The following GGACT variants were observed in gnomAD, a reference collection of about 807,000 sequenced individuals.
The protein encoded by GGACT is gamma-glutamylamine cyclotransferase, also known as gamma-glutamylaminecyclotransferase.
For synonymous variants in GGACT, 118 were observed against 115.3 expected (o/e 1.02, Z -0.15); for missense variants, 241 against 233.2 (o/e 1.03, Z -0.22).
intron 2 of GGACT, among the ~76,000 whole-genome samples, chr13:100,577,056 C>T (rs1326241803): frequency 1.3e-5 from 2 of 152,160 alleles, no homozygotes; most frequent in Non-Finnish European, 2.9e-5. Flanking sequence ...ACAAGAGATA[C>T]ATAAACCAAA....
At chr13:100,566,365 T>C (rs1367063522) in intron 2 of GGACT, among the ~76,000 whole-genome samples, 2 of 152,238 alleles carry the variant, frequency 1.3e-5, no homozygotes, top group African/African-American at 2.4e-5. Flanking sequence ...TGTGGTACTT[T>C]CTTTGCTTTC....
chr13:100,540,066 G>C (rs993168462), intron 2 of GGACT: 1 of 1,323,270 alleles, frequency 7.6e-7, no homozygotes, highest in African/African-American at 1.4e-5. Context: ...GAAGCACATA[G>C]GCATCGAAGA....
Position 100,545,676 on chromosome 13 carries a change from G to A in GGACT, c.-10-13075C>T, listed in dbSNP as rs921312030. 3.3e-5 allele frequency among the ~76,000 whole-genome samples: 5 copies of A among 152,248 alleles called. No individual in the cohort carries two copies. The highest frequency in any genetic ancestry group is 9.6e-5 in the African/African-American group (4 of 41,466). On this transcript the variant is annotated intron_variant, in intron 2 of 2. Coordinates refer to ENST00000683975, the MANE Select transcript of GGACT (RefSeq NM_001195087.2). The surrounding 1 kb of genome is among the most constrained non-coding windows in gnomAD (Gnocchi z 4.4). ...TGTCTTTGTATTTTGTAAGCAAAGC[G>A]AAGCCTGCTGGAATAACACAGCACT...
At chr13:100,571,823 T>A (rs1363095498) in intron 2 of GGACT, among the ~76,000 whole-genome samples, 1 of 152,238 alleles carries the variant, frequency 6.6e-6, no homozygotes, top group Non-Finnish European at 1.5e-5. Context: ...ATGATCTCAA[T>A]AATTCTTACT....
At chr13:100,588,690 G>A (rs976557776) in intron 1 of GGACT, 51 bp downstream of exon 1, 4 of 151,554 alleles carry the variant, frequency 2.6e-5, no homozygotes, top group African/African-American at 7.3e-5. Context: ...CACCCCGCCT[G>A]GGGGGCGGAG....
At chr13:100,583,399 G>A (rs886935617) in intron 2 of GGACT, among the ~76,000 whole-genome samples, 24 of 152,252 alleles carry the variant, frequency 1.6e-4, no homozygotes, top group South Asian at 4.2e-4. Context: ...GTTATAGTAC[G>A]TATGACAAAA....
intron 2 of GGACT, among the ~76,000 whole-genome samples, chr13:100,543,462 T>G (rs1267887259): frequency 1.3e-5 from 2 of 152,060 alleles, no homozygotes; most frequent in East Asian, 3.9e-4. Flanking sequence ...CACCTCGGCC[T>G]CCCAAAGTGC....
intron 2 of GGACT, among the ~76,000 whole-genome samples, chr13:100,561,661 A>G (rs1278463744): frequency 6.6e-6 from 1 of 152,246 alleles, no homozygotes; most frequent in Non-Finnish European, 1.5e-5. Context: ...AGATGTGTGC[A>G]GCAGACATTC....
intron 1 of GGACT, among the ~76,000 whole-genome samples, chr13:100,584,670 T>A (rs945321141): frequency 2.0e-5 from 3 of 152,216 alleles, no homozygotes; most frequent in Non-Finnish European, 4.4e-5. Context: ...AGGTGATGGA[T>A]ACCCCATTTA....
In GGACT at chr13:100,534,822, G is replaced by T. The variant is rs2088468574; in HGVS notation, c.-10-2221C>A. 6.6e-6 allele frequency among the ~76,000 whole-genome samples: 1 copy of T among 152,046 alleles called. No homozygotes were observed. On this transcript the variant is annotated intron_variant, in intron 2 of 2. Coordinates refer to ENST00000683975, the MANE Select transcript of GGACT (RefSeq NM_001195087.2). The surrounding 1 kb of genome is among the most constrained non-coding windows in gnomAD (Gnocchi z 4.9). ...CCAGTGCACCACCCAGAGGGTCCTT[G>T]TCAATCTCCTGCTGCAGACTTAACT...
At chr13:100,569,989 T>A (rs1875033150) in intron 2 of GGACT, among the ~76,000 whole-genome samples, 1 of 152,224 alleles carries the variant, frequency 6.6e-6, no homozygotes, top group Non-Finnish European at 1.5e-5. Flanking sequence ...CATGCTGCTA[T>A]CAGCATTTTG....
chr13:100,548,195 T>A (rs960193357), intron 2 of GGACT, among the ~76,000 whole-genome samples: 1 of 152,262 alleles, frequency 6.6e-6, no homozygotes, highest in African/African-American at 2.4e-5. Context: ...CACCTGTGCC[T>A]TTCTGCTGTT....
intron 2 of GGACT, among the ~76,000 whole-genome samples, chr13:100,570,217 C>A (rs1875039277): frequency 6.6e-6 from 1 of 152,194 alleles, no homozygotes; most frequent in Admixed American, 6.5e-5. Context: ...CTCTGTGGTA[C>A]AAATTTACTG....
rs143737481 is a variant in GGACT, at chr13:100,554,809, T to C, written c.-10-22208A>G. ...TATGAGAATCATTGTACTGCTCTAT[T>C]ACTTTTATAGGTAAACGAGAGAGAG... is the stretch of plus-strand genomic sequence containing the variant. On this transcript the variant is annotated intron_variant, in intron 2 of 2. Coordinates refer to ENST00000683975, the MANE Select transcript of GGACT (RefSeq NM_001195087.2). Among the ~76,000 whole-genome samples the C allele has an allele frequency of 2.6e-5, 4 of 152,338 alleles. No individual in the cohort carries two copies. In the East Asian group the frequency reaches 7.7e-4, roughly 29 times the overall value.
chr13:100,579,968 G>A (rs917006477), intron 2 of GGACT: 15 of 152,262 alleles, frequency 9.9e-5, no homozygotes, highest in African/African-American at 3.6e-4. Flanking sequence ...GAATTCACAC[G>A]TGGAACTTAG....
chr13:100,587,343 G>C (rs988244888), intron 1 of GGACT, among the ~76,000 whole-genome samples: 2 of 152,210 alleles, frequency 1.3e-5, no homozygotes, highest in Non-Finnish European at 2.9e-5. Context: ...ACTAGTAGTA[G>C]TTAGGGCCTG....
At position 100,567,430 on chromosome 13, in the gene GGACT, T is replaced by A. The variant is rs538041565; in HGVS notation, c.-11+16395A>T. Among the ~76,000 whole-genome samples the A allele has an allele frequency of 5.9e-5, 9 of 152,354 alleles. No individual in the cohort carries two copies. In the South Asian group the frequency reaches 1.7e-3, roughly 28 times the overall value. ...GCTTCTCTGTCCCCTTGGCCCATCTTCCTCATTATTCCATTGCTTTCTGGT... is the reference window on the plus strand; with the variant it reads ...GCTTCTCTGTCCCCTTGGCCCATCTACCTCATTATTCCATTGCTTTCTGGT... On this transcript the variant is annotated intron_variant, in intron 2 of 2. Transcript: ENST00000683975.
chr13:100,566,095 G>C (rs73568712), intron 2 of GGACT, among the ~76,000 whole-genome samples: 22,959 of 152,238 alleles, frequency 0.15, 2,057 homozygotes, highest in Middle Eastern at 0.24. Flanking sequence ...TGAGCTCCAG[G>C]TCTCCCCAAG....
chr13:100,535,306 T>G (rs2088475637), intron 2 of GGACT, among the ~76,000 whole-genome samples: 1 of 152,266 alleles, frequency 6.6e-6, no homozygotes, highest in Middle Eastern at 3.2e-3. Context: ...GGCTTTTAAC[T>G]GTTGTGTTCA....
Sources: allele counts gnomAD v4.1 joint callset (sites outside exome capture counted in the v4.1 genomes callset), GRCh38; gene constraint gnomAD v4.1.1; non-coding constraint Gnocchi (gnomAD v3.1); transcripts MANE v1.5; gene names NCBI Gene and HGNC (gene_info 2026-07-23, HGNC 2026-07-21).